Variants in B3GNT6 observed in about 807,000 individuals in gnomAD.
The protein encoded by B3GNT6 is UDP-GlcNAc:betaGal beta-1,3-N-acetylglucosaminyltransferase 6, also known as acetylgalactosaminyl-O-glycosyl-glycoprotein beta-1,3-N-acetylglucosaminyltransferase.
For synonymous variants in B3GNT6, 300 were observed against 270.0 expected (o/e 1.11, Z -1.09); for missense variants, 624 against 568.6 (o/e 1.10, Z -0.99).
chr11:77,037,091 G>A (rs1949638172), intron 1 of B3GNT6: 1 of 152,424 alleles, frequency 6.6e-6, no homozygotes, highest in African/African-American at 2.4e-5. Context: ...ACTGGGCTGA[G>A]GGCAAGGCCA....
At chr11:77,038,484 G>A (rs1247641162) in intron 1 of B3GNT6, among the ~76,000 whole-genome samples, 1 of 152,076 alleles carries the variant, frequency 6.6e-6, no homozygotes, top group East Asian at 1.9e-4. Flanking sequence ...GCTGAAGTGG[G>A]AGGACTGCTT....
At position 77,039,859 on chromosome 11, in the gene B3GNT6, T is replaced by C. The variant is rs1555027477; in HGVS notation, c.308T>C (p.Leu103Pro). The change falls in exon 2 of 2, where the codon CTG becomes CCG. Residue 103 changes from leucine to proline, a missense_variant. Physicochemically the swap from Leu to Pro is moderately conservative, Grantham distance 98. Coordinates refer to ENST00000622824, the MANE Select transcript of B3GNT6 (RefSeq NM_138706.5). Reference sequence around the variant, plus strand: ...TACCGCCACTGCCGCCACTTCCCGCTGCTTTGGGACGCACCGGCCAAGTGC... The same window carrying C: ...TACCGCCACTGCCGCCACTTCCCGCCGCTTTGGGACGCACCGGCCAAGTGC... ...LRYRHCRHFP[L>P]LWDAPAKCAG... The C allele has an allele frequency of 1.3e-6, 2 of 1,588,052 alleles. No individual in the cohort carries two copies.
At chr11:77,035,031 C>A (rs145243067) in intron 1 of B3GNT6, among the ~76,000 whole-genome samples, 2 of 151,998 alleles carry the variant, frequency 1.3e-5, no homozygotes, top group Non-Finnish European at 2.9e-5. Flanking sequence ...TGGGGGTGGA[C>A]GCCTGTAATC....
intron 1 of B3GNT6, among the ~76,000 whole-genome samples, chr11:77,035,184 A>T (rs1265269838): frequency 6.6e-6 from 1 of 152,220 alleles, no homozygotes; most frequent in Non-Finnish European, 1.5e-5. Context: ...GGATGTGTTA[A>T]TATGTGTGGG....
At position 77,039,947 on chromosome 11, in the gene B3GNT6, A is replaced by G; in HGVS notation, c.396A>G (p.Arg132=). The change falls in exon 2 of 2, where the codon CGA becomes CGG. Residue 132 remains arginine, a synonymous_variant. Coordinates refer to ENST00000622824, the MANE Select transcript of B3GNT6 (RefSeq NM_138706.5). ...AVKSAPEHYE[R]RELIRRTWGQ... is the part of the protein sequence containing the mutation. ...AGTCGGCGCCTGAGCACTACGAGCG[A>G]CGCGAGCTCATCCGGCGCACGTGGG... is the stretch of plus-strand genomic sequence containing the variant. The G allele has an allele frequency of 1.3e-6, 2 of 1,592,052 alleles. No individual in the cohort carries two copies. The highest frequency in any genetic ancestry group is 1.1e-5 in the South Asian group (1 of 90,132).
At position 77,040,234 on chromosome 11, in the gene B3GNT6, A is replaced by C; in HGVS notation, c.683A>C (p.His228Pro). ...AGCGGCGACGACGACGTGTTCGTGCACACCGCCAACGTAGTCCGCTTCCTG... is the reference window on the plus strand; with the variant it reads ...AGCGGCGACGACGACGTGTTCGTGCCCACCGCCAACGTAGTCCGCTTCCTG... ...LLSGDDDVFV[H>P]TANVVRFLQA... The change falls in exon 2 of 2, where the codon CAC becomes CCC. Residue 228 changes from histidine (H) to proline (P), a missense_variant. Physicochemically the swap from His to Pro is moderately conservative, Grantham distance 77. Coordinates refer to ENST00000622824, the MANE Select transcript of B3GNT6 (RefSeq NM_138706.5). The C allele has an allele frequency of 6.3e-7, 1 of 1,598,992 alleles. No homozygotes were observed. The highest frequency in any genetic ancestry group is 8.5e-7 in the Non-Finnish European group (1 of 1,179,454).
rs1555027852 is a variant in B3GNT6, at chr11:77,040,604, G to T, written c.1053G>T (p.Glu351Asp). The T allele has an allele frequency of 6.3e-7, 1 of 1,597,056 alleles. No homozygotes were observed. The highest frequency in any genetic ancestry group is 8.5e-7 in the Non-Finnish European group (1 of 1,178,180). The change falls in exon 2 of 2, where the codon GAG becomes GAT. Residue 351 changes from glutamate to aspartate, a missense_variant. Glu to Asp is a conservative substitution (Grantham distance 45). Transcript: ENST00000622824. ...CCTTCGACCCCTGCATGTACCGCGA[G>T]TTGCTGCTAGTGCACCGCTTCGCGC... ...QSSFDPCMYRELLLVHRFAPY... is the reference protein window; with the variant it reads ...QSSFDPCMYRDLLLVHRFAPY...
chr11:77,039,891 G>A lies in B3GNT6; in HGVS notation c.340G>A (p.Gly114Ser). 1 of 1,590,990 alleles carries A rather than the reference G, an allele frequency of 6.3e-7. No individual in the cohort carries two copies. Among genetic ancestry groups the A allele is most frequent in the African/African-American group, 1.3e-5 (1 of 74,430 alleles). ...LWDAPAKCAG[G>S]RGVFLLLAVK... Reference sequence around the variant, plus strand: ...GGACGCACCGGCCAAGTGCGCCGGCGGCCGAGGCGTGTTCCTGCTCCTGGC... The same window carrying A: ...GGACGCACCGGCCAAGTGCGCCGGCAGCCGAGGCGTGTTCCTGCTCCTGGC... Residue 114 changes from glycine (G) to serine (S), a missense_variant, in exon 2 of 2, where the codon GGC becomes AGC. By Grantham distance (56) the Gly-to-Ser change is moderately conservative. Transcript: ENST00000622824.
At position 77,039,997 on chromosome 11, in the gene B3GNT6, G is replaced by C. The variant is rs1172511564; in HGVS notation, c.446G>C (p.Arg149Pro). The change falls in exon 2 of 2, where the codon CGG becomes CCG. Residue 149 changes from arginine to proline, a missense_variant. Physicochemically the swap from Arg to Pro is moderately radical, Grantham distance 103. Transcript: ENST00000622824. Reference sequence around the variant, plus strand: ...GGGCAAGAGCGCAGCTACGGCGGGCGGCCAGTGCGCCGCCTCTTTCTATTG... The same window carrying C: ...GGGCAAGAGCGCAGCTACGGCGGGCCGCCAGTGCGCCGCCTCTTTCTATTG... ...TWGQERSYGG[R>P]PVRRLFLLGT... The C allele has an allele frequency of 1.3e-6, 2 of 1,575,266 alleles. No homozygotes were observed. Among genetic ancestry groups the C allele is most frequent in the Non-Finnish European group, 1.7e-6 (2 of 1,169,430 alleles).
At position 77,041,327 on chromosome 11, in the gene B3GNT6, G is replaced by A. The variant is rs1164045298; in HGVS notation, c.*621G>A. On this transcript the variant is annotated 3_prime_UTR_variant, in exon 2 of 2. Transcript: ENST00000622824. ...GGTAGAAATCTTCACCGTGCAAAGT[G>A]GAAACCAGAGGCCCGGTCAGACAGT... 2.0e-5 allele frequency: 3 copies of A among 152,424 alleles called. No homozygotes were observed. The highest frequency in any genetic ancestry group is 7.2e-5 in the African/African-American group (3 of 41,446). 9.4% of individuals were successfully genotyped at this position (152,424 alleles called of 1,614,324 possible). A position where few individuals can be genotyped will look rare whatever the true frequency, so the allele number is the denominator to read the frequency against.
chr11:77,037,587 G>C (rs1210134816), intron 1 of B3GNT6, among the ~76,000 whole-genome samples: 7 of 151,978 alleles, frequency 4.6e-5, no homozygotes, highest in African/African-American at 1.4e-4. Flanking sequence ...GTCTAAGTCA[G>C]AGCCCTAGAG....
chr11:77,040,681 G>T lies in B3GNT6; in HGVS notation c.1130G>T (p.Cys377Phe), dbSNP rs782810735. ...WKALHSPALS[C>F]DRGHRVS ...GCGCTGCACAGCCCCGCGCTCAGCTGTGACCGGGGACACCGGGTCTCCTGA... is the reference window on the plus strand; with the variant it reads ...GCGCTGCACAGCCCCGCGCTCAGCTTTGACCGGGGACACCGGGTCTCCTGA... The change falls in exon 2 of 2, where the codon TGT becomes TTT. Residue 377 changes from cysteine to phenylalanine, a missense_variant. Transcript: ENST00000622824. 3.1e-6 allele frequency: 5 copies of T among 1,588,720 alleles called. No homozygotes were observed. In the East Asian group the frequency reaches 1.1e-4, roughly 36 times the overall value.
chr11:77,040,369 G>T lies in B3GNT6; in HGVS notation c.818G>T (p.Gly273Val). The change falls in exon 2 of 2, where the codon GGG becomes GTG. Residue 273 changes from glycine to valine, a missense_variant. Physicochemically the swap from Gly to Val is moderately radical, Grantham distance 109 (BLOSUM62 -3). Coordinates refer to ENST00000622824, the MANE Select transcript of B3GNT6 (RefSeq NM_138706.5). ...TTCGTGCCGCCGCAGCTCTTCCCCG[G>T]GTCCGCTTACCCGGTGTACTGCAGC... ...KYFVPPQLFPGSAYPVYCSGG... is the reference protein window; with the variant it reads ...KYFVPPQLFPVSAYPVYCSGG... The T allele has an allele frequency of 6.5e-7, 1 of 1,537,582 alleles. No individual in the cohort carries two copies. The highest frequency in any genetic ancestry group is 8.7e-7 in the Non-Finnish European group (1 of 1,147,668).
chr11:77,040,670 C>T lies in B3GNT6; in HGVS notation c.1119C>T (p.Pro373=), dbSNP rs2135380499. The T allele has an allele frequency of 6.3e-7, 1 of 1,597,098 alleles. No homozygotes were observed. Among genetic ancestry groups the T allele is most frequent in the Non-Finnish European group, 8.5e-7 (1 of 1,177,110 alleles). ...TCATGTGGAAGGCGCTGCACAGCCC[C>T]GCGCTCAGCTGTGACCGGGGACACC... The part of the protein sequence containing the change: ...MLLMWKALHS[P]ALSCDRGHRV... The change falls in exon 2 of 2, where the codon CCC becomes CCT. Residue 373 remains proline, a synonymous_variant. Coordinates refer to ENST00000622824, the MANE Select transcript of B3GNT6 (RefSeq NM_138706.5).
chr11:77,039,457 G>C (rs1217073679), intron 1 of B3GNT6, 95 bp from the exon 2 acceptor site: 14 of 1,499,024 alleles, frequency 9.3e-6, no homozygotes, highest in Non-Finnish European at 1.2e-5. Context: ...AGGGGCTGGA[G>C]CTGGGTTCTG....
Position 77,040,256 on chromosome 11 carries a change from C to T in B3GNT6, c.705C>T (p.Phe235=), listed in dbSNP as rs567787570. 4 of 1,597,858 alleles carry T rather than the reference C, an allele frequency of 2.5e-6. No individual in the cohort carries two copies. In the Admixed American group the frequency reaches 5.0e-5, roughly 20 times the overall value. Residue 235 remains phenylalanine (F), a synonymous_variant, in exon 2 of 2, where the codon TTC becomes TTT. Coordinates refer to ENST00000622824, the MANE Select transcript of B3GNT6 (RefSeq NM_138706.5). ...VFVHTANVVR[F]LQAQPPGRHL... ...TGCACACCGCCAACGTAGTCCGCTT[C>T]CTGCAGGCGCAGCCACCCGGCCGCC...
chr11:77,038,067 A>AAGGAGGGGGAGGGGAC, intron 1 of B3GNT6, among the ~76,000 whole-genome samples: 1 of 642 alleles, frequency 1.6e-3, no homozygotes, highest in East Asian at 0.021. Flanking sequence ...GTGGGAGGGG[A>AAGGAGGGGGAGGGGAC]TGAGGGGGAG....
In B3GNT6 at chr11:77,040,442, G is replaced by A; in HGVS notation, c.891G>A (p.Ala297=). The part of the protein sequence containing the change: ...LSGPTARALR[A]AARHTPLFPI... ...GCCCCACGGCCCGGGCCCTGCGCGC[G>A]GCCGCCCGCCACACCCCGCTCTTCC... The change falls in exon 2 of 2, where the codon GCG becomes GCA. Residue 297 remains alanine (A), a synonymous_variant. Coordinates refer to ENST00000622824, the MANE Select transcript of B3GNT6 (RefSeq NM_138706.5). 6.5e-7 allele frequency: 1 copy of A among 1,529,896 alleles called. No individual in the cohort carries two copies. The highest frequency in any genetic ancestry group is 2.0e-5 in the Admixed American group (1 of 50,614). 94.8% of individuals were successfully genotyped at this position (1,529,896 alleles called of 1,614,324 possible). A position where few individuals can be genotyped will look rare whatever the true frequency, so the allele number is the denominator to read the frequency against.
intron 1 of B3GNT6, among the ~76,000 whole-genome samples, chr11:77,037,748 C>CA (rs767204387): frequency 3.3e-5 from 5 of 149,416 alleles, no homozygotes; most frequent in Non-Finnish European, 7.4e-5. Context: ...ACTGTCTCTA[C>CA]AAAAAATAGA....
Sources: gnomAD v4.1 joint callset for allele counts (sites outside exome capture counted in the v4.1 genomes callset) on GRCh38, gnomAD v4.1.1 for gene constraint, MANE v1.5 for transcripts, NCBI Gene and HGNC (gene_info 2026-07-23, HGNC 2026-07-21) for gene names.